The following COL17A1 variants were observed in gnomAD, a reference collection of about 807,000 sequenced individuals.
COL17A1 encodes the protein collagen type XVII alpha 1 chain, also known as collagen alpha-1(XVII) chain.
COL17A1 carries 181 observed loss-of-function variants against 218.4 expected under a neutral mutation model. The observed-to-expected ratio is 0.83, with a 90% CI of 0.73 to 0.94. The LOEUF (loss-of-function observed/expected upper bound fraction) is 0.94, where lower values mean the gene tolerates loss of function less well. COL17A1 is among the 40% of genes least tolerant of loss of function. The pLI is 0.00. For synonymous variants in COL17A1, 721 were observed against 731.0 expected, an observed-to-expected ratio of 0.99 and a Z score of 0.22; for missense variants, 1,924 against 1,945.9, an observed-to-expected ratio of 0.99 and a Z score of 0.21.
At chr10:104,051,621 G>T (rs1004435483) in intron 24 of COL17A1, 105 bp from the exon 25 acceptor site, 20 of 1,423,166 alleles carry the variant, frequency 1.4e-5, no homozygotes, top group South Asian at 2.4e-5. Flanking sequence ...TCTTCCAGGT[G>T]AGGGCTGTGT....
intron 10 of COL17A1, 29 bp from the exon 11 acceptor site, chr10:104,063,847 GA>G: frequency 1.9e-6 from 3 of 1,613,856 alleles, no homozygotes; most frequent in Non-Finnish European, 2.5e-6. Flanking sequence ...AGGCTGGTGA[GA>G]GGGACATCTG....
chr10:104,060,309 A>C (rs376569480), intron 13 of COL17A1, 29 bp from the exon 14 acceptor site: 39 of 1,613,260 alleles, frequency 2.4e-5, no homozygotes, highest in Non-Finnish European at 3.2e-5. Context: ...GGTAAGAAGG[A>C]AGGACATGTG....
intron 26 of COL17A1, 85 bp downstream of exon 26, chr10:104,050,763 C>T: frequency 6.2e-7 from 1 of 1,614,120 alleles, no homozygotes; most frequent in Non-Finnish European, 8.5e-7. Flanking sequence ...ACTTCTTCTT[C>T]CCCTCTTGCA....
rs1321196481 is a variant in COL17A1, at chr10:104,031,520, A to G, written c.*715T>C. ...TTCTCCCTTTATTCCTTCCTTGTCC[A>G]TTGCCCTCAACCTTCTTTTTCTGTT... On this transcript the variant is annotated 3_prime_UTR_variant, in exon 56 of 56. Coordinates refer to ENST00000648076, the MANE Select transcript of COL17A1 (RefSeq NM_000494.4). 1 of 152,134 alleles carries G rather than the reference A, an allele frequency of 6.6e-6. No homozygotes were observed. Among genetic ancestry groups the G allele is most frequent in the African/African-American group, 2.4e-5 (1 of 41,292 alleles). The allele number at this position is 152,134 out of a possible 1,614,324, so 9.4% of individuals were successfully genotyped here. A position where few individuals can be genotyped will look rare whatever the true frequency, so the allele number is the denominator to read the frequency against.
intron 18 of COL17A1, 58 bp from the exon 19 acceptor site, chr10:104,055,459 CACACACACACACACACACACACAA>C: frequency 6.8e-7 from 1 of 1,479,124 alleles, no homozygotes; most frequent in Non-Finnish European, 9.4e-7. Flanking sequence ...CACACACACA[CACACACACACACACACACACACAA>C]TAAGGGGATC....
At chr10:104,055,433 C>T in intron 18 of COL17A1, 32 bp from the exon 19 acceptor site, 1 of 1,593,784 alleles carries the variant, frequency 6.3e-7, no homozygotes, top group South Asian at 1.1e-5. Context: ...GAGTCAGCTT[C>T]ACATCTCCTG....
rs1014631229 is a variant in COL17A1, at chr10:104,035,495, C to T, written c.3487G>A (p.Glu1163Lys). The T allele has an allele frequency of 1.1e-5, 18 of 1,613,912 alleles. No homozygotes were observed. The highest frequency in any genetic ancestry group is 1.5e-5 in the Non-Finnish European group (18 of 1,179,912). Residue 1163 changes from glutamate to lysine, a missense_variant, in exon 49 of 56, where the codon GAG (glutamate) becomes AAG (lysine). Glu to Lys is a moderately conservative substitution (Grantham distance 56, BLOSUM62 1). Transcript: ENST00000648076. ...PPGLPGTSYE[E>K]LLSLLRGSEF... ...TTACCTCGCAGCAAGGAGAGGAGCT[C>T]CTCATAGGAGGTTCCCGGCAAGCCA...
chr10:104,042,464 G>A lies in COL17A1; in HGVS notation c.2516-9C>T, dbSNP rs1168115683. On this transcript the variant is annotated splice_polypyrimidine_tract_variant and intron_variant, in intron 35 of 55. Transcript: ENST00000648076. ...AGCTGGGCCGGCAGGGCCTGGAAAC[G>A]GGGTTGAGGAAGAAAAGGCTAAATC... is the stretch of plus-strand genomic sequence containing the variant. 3.1e-6 allele frequency: 5 copies of A among 1,614,086 alleles called. No individual in the cohort carries two copies. Among genetic ancestry groups the A allele is most frequent in the Non-Finnish European group, 4.2e-6 (5 of 1,179,974 alleles).
intron 9 of COL17A1, among the ~76,000 whole-genome samples, chr10:104,068,958 A>G (rs1460190665): frequency 1.3e-5 from 2 of 152,194 alleles, no homozygotes; most frequent in African/African-American, 4.8e-5. Context: ...CATAATGAGA[A>G]AACTGATGTC....
chr10:104,053,884 G>A, intron 22 of COL17A1, 36 bp downstream of exon 22: 1 of 1,205,708 alleles, frequency 8.3e-7, no homozygotes, highest in Non-Finnish European at 1.2e-6. Context: ...ATGAAAGAAT[G>A]AGGAATAAAT....
At chr10:104,043,469 T>G (rs914256023) in intron 35 of COL17A1, 32 bp downstream of exon 35, 1 of 1,597,306 alleles carries the variant, frequency 6.3e-7, no homozygotes, top group Admixed American at 1.7e-5. Context: ...GACCTATTGC[T>G]GATTTGGGGC....
rs1438375670 is a variant in COL17A1, at chr10:104,077,517, G to A, written c.107C>T (p.Thr36Ile). Residue 36 changes from threonine to isoleucine, a missense_variant, in exon 4 of 56, where the codon ACC becomes ATC. Transcript: ENST00000648076. ...GGCTGTTTTAGCATAGCCATTGCTG[G>A]TCCCGCCTTCTGCCAGGAACAAAAG... Reference protein sequence around the residue: ...RLTSLPPKGGTSNGYAKTASL... With the variant: ...RLTSLPPKGGISNGYAKTASL... 5 of 1,611,740 alleles carry A rather than the reference G, an allele frequency of 3.1e-6. No individual in the cohort carries two copies. The highest frequency in any genetic ancestry group is 4.2e-6 in the Non-Finnish European group (5 of 1,179,158).
intron 53 of COL17A1, 27 bp from the exon 54 acceptor site, chr10:104,032,995 T>TAG: frequency 1.2e-6 from 2 of 1,610,000 alleles, no homozygotes; most frequent in Non-Finnish European, 1.7e-6. Flanking sequence ...ACACTGGCCT[T>TAG]AGAGTCTTGA....
In COL17A1 at chr10:104,043,569, A is replaced by C. The variant is rs904155756; in HGVS notation, c.2447T>G (p.Met816Arg). The C allele has an allele frequency of 6.8e-6, 11 of 1,613,884 alleles. No homozygotes were observed. The highest frequency in any genetic ancestry group is 9.3e-6 in the Non-Finnish European group (11 of 1,180,010). Residue 816 changes from methionine to arginine, a missense_variant, in exon 35 of 56, where the codon ATG becomes AGG. Met to Arg is a moderately conservative substitution (Grantham distance 91). Transcript: ENST00000648076. ...TCCTGGGGGGCCTGGGACAGTGAGC[A>C]TCGATGACCCCTCTGAAAACAGAAG... ...GKIVTSEGSS[M>R]LTVPGPPGPP...
chr10:104,061,625 G>A (rs567807775), intron 12 of COL17A1, 152 bp from the exon 13 acceptor site: 1 of 691,356 alleles, frequency 1.4e-6, no homozygotes, highest in Non-Finnish European at 2.6e-6. Flanking sequence ...CAGTAATGAG[G>A]GTTTAGATGG....
chr10:104,080,577 C>T (rs1255557303), intron 2 of COL17A1, 45 bp downstream of exon 2: 1 of 1,597,334 alleles, frequency 6.3e-7, no homozygotes, highest in East Asian at 2.2e-5. Context: ...ATTTTTATTA[C>T]TTTCATAATA....
Position 104,034,637 on chromosome 10 carries a change from C to A in COL17A1, c.3750G>T (p.Leu1250=). 6.2e-7 allele frequency: 1 copy of A among 1,610,282 alleles called. No homozygotes were observed. Among genetic ancestry groups the A allele is most frequent in the Non-Finnish European group, 8.5e-7 (1 of 1,178,478 alleles). ...AENSDSFRSE[L]ISYLTSPDVR... is the part of the protein sequence containing the mutation. ...GGCACCTACTTGTGAGGTAGCTGAT[C>A]AGCTCGCTCCGGAAGCTGTCGCTGT... The change falls in exon 51 of 56, where the codon CTG becomes CTT. Residue 1250 remains leucine, a synonymous_variant. Transcript: ENST00000648076.
chr10:104,064,994 G>A (rs1589572850), intron 9 of COL17A1, among the ~76,000 whole-genome samples: 3 of 152,172 alleles, frequency 2.0e-5, no homozygotes, highest in Admixed American at 6.5e-5. Flanking sequence ...ATGAGACCCC[G>A]AAGAGAACCT....
chr10:104,074,188 T>A lies in COL17A1; in HGVS notation c.375A>T (p.Glu125Asp). 6.2e-7 allele frequency: 1 copy of A among 1,614,118 alleles called. No individual in the cohort carries two copies. Among genetic ancestry groups the A allele is most frequent in the East Asian group, 2.2e-5 (1 of 44,878 alleles). ...GAAAATAAGGAGAGGACATACCAAA[T>A]TCCTTCCGAGGGTACTCCGGAGAAG... Reference protein sequence around the residue: ...GNSSPEYPRKEFASSSTRGRS... With the variant: ...GNSSPEYPRKDFASSSTRGRS... Residue 125 changes from glutamate to aspartate, a missense_variant, in exon 6 of 56, where the codon GAA (glutamate) becomes GAT (aspartate). Glu to Asp is a conservative substitution (Grantham distance 45). Coordinates refer to ENST00000648076, the MANE Select transcript of COL17A1 (RefSeq NM_000494.4).
Sources: gnomAD v4.1 joint callset for allele counts (sites outside exome capture counted in the v4.1 genomes callset) on GRCh38, gnomAD v4.1.1 for gene constraint, MANE v1.5 for transcripts, NCBI Gene and HGNC (gene_info 2026-07-23, HGNC 2026-07-21) for gene names.